MTA3: variants seen among roughly 807,000 people sequenced by gnomAD.
MTA3 encodes metastasis-associated protein MTA3.
In MTA3, 34 loss-of-function variants were observed where a neutral mutation model predicts 83.5. That is an observed-to-expected ratio of 0.41 (90% CI 0.31 to 0.54). The LOEUF (loss-of-function observed/expected upper bound fraction) is 0.54. MTA3 is among the 20% of genes least tolerant of loss of function. MTA3 has a pLI of 0.33. For synonymous variants in MTA3, 303 were observed against 252.7 expected (o/e 1.20, Z -1.89); for missense variants, 761 against 726.4 (o/e 1.05, Z -0.55).
intron 12 of MTA3, 70 bp from the exon 13 acceptor site, chr2:42,707,833 T>A (rs1186754230): frequency 7.2e-7 from 1 of 1,382,398 alleles, no homozygotes; most frequent in African/African-American, 1.5e-5. Flanking sequence ...TTAAAATGTT[T>A]GATTATTTTG....
intron 1 of MTA3, 76 bp downstream of exon 1, chr2:42,568,849 A>C: frequency 3.3e-6 from 4 of 1,200,480 alleles, no homozygotes; most frequent in Non-Finnish European, 4.1e-6. Flanking sequence ...GTGCACGCCA[A>C]CTGCCGGGAG....
intron 16 of MTA3, among the ~76,000 whole-genome samples, chr2:42,724,779 T>A (rs1167128646): frequency 6.6e-6 from 1 of 152,228 alleles, no homozygotes; most frequent in Admixed American, 6.5e-5. Context: ...CTTTCCTCAG[T>A]ATCACAGGTA....
chr2:42,639,990 C>T (rs190752478), intron 4 of MTA3, among the ~76,000 whole-genome samples, 183 bp from the exon 5 acceptor site: 1 of 152,076 alleles, frequency 6.6e-6, no homozygotes, highest in Admixed American at 6.5e-5. Context: ...TAAAGACAGC[C>T]TTATTTTATA....
At chr2:42,647,914 T>C (rs1351670937) in intron 6 of MTA3, among the ~76,000 whole-genome samples, 1 of 152,200 alleles carries the variant, frequency 6.6e-6, no homozygotes, top group Non-Finnish European at 1.5e-5. Context: ...TCTCGGCTCA[T>C]TGCAACCTCC....
intron 2 of MTA3, among the ~76,000 whole-genome samples, chr2:42,574,437 A>G (rs1359428074): frequency 2.1e-5 from 3 of 144,718 alleles, no homozygotes; most frequent in African/African-American, 7.8e-5. Context: ...CCTTTTCTCA[A>G]AATAACTGTG....
At chr2:42,727,681 C>A (rs1204307504) in intron 16 of MTA3, among the ~76,000 whole-genome samples, 2 of 152,092 alleles carry the variant, frequency 1.3e-5, no homozygotes, top group Non-Finnish European at 2.9e-5. Context: ...TCTTGTGTGA[C>A]CTTGGGTGAA....
At chr2:42,700,836 C>T (rs1439314477) in intron 11 of MTA3, among the ~76,000 whole-genome samples, 2 of 152,222 alleles carry the variant, frequency 1.3e-5, no homozygotes, top group Non-Finnish European at 2.9e-5. Context: ...TGCAGTGGCT[C>T]ATGCCTGTAA....
At chr2:42,662,131 GCTTT>G (rs1394951496) in intron 8 of MTA3, among the ~76,000 whole-genome samples, 2 of 151,960 alleles carry the variant, frequency 1.3e-5, no homozygotes, top group Middle Eastern at 3.2e-3. Flanking sequence ...CATTTTAACT[GCTTT>G]CTATTATTTC....
At chr2:42,543,239 G>A (rs1233319356) in intron 2 of MTA3, among the ~76,000 whole-genome samples, 1 of 148,550 alleles carries the variant, frequency 6.7e-6, no homozygotes, top group East Asian at 2.0e-4. Flanking sequence ...GAGCAGTGGC[G>A]CAATCTCAGC....
Position 42,607,587 on chromosome 2 carries a change from G to A in MTA3, c.191-1871G>A, listed in dbSNP as rs181540458. On this transcript the variant is annotated intron_variant, in intron 3 of 16. Coordinates refer to ENST00000405094, the MANE Select transcript of MTA3 (RefSeq NM_001330442.2). ...TTGAACTCCTGGGCTCAAGCGATCT[G>A]CTTGCCTCAGCCTCCCAAAGTGCTG... Among the ~76,000 whole-genome samples the A allele has an allele frequency of 4.5e-4, 68 of 152,192 alleles. 1 individual carries two copies. The highest frequency in any genetic ancestry group is 4.3e-3 in the Admixed American group (65 of 15,280).
intron 3 of MTA3, among the ~76,000 whole-genome samples, chr2:42,609,147 C>T (rs926960403): frequency 5.3e-5 from 8 of 151,204 alleles, no homozygotes; most frequent in African/African-American, 1.9e-4. Flanking sequence ...TCTCCTGCCT[C>T]AGCCTCCCGA....
chr2:42,574,043 A>T (rs1187077787), intron 2 of MTA3, among the ~76,000 whole-genome samples: 1 of 150,152 alleles, frequency 6.7e-6, no homozygotes, highest in Non-Finnish European at 1.5e-5. Context: ...TCACCGTGTT[A>T]GCCAGGATGG....
chr2:42,640,264 T>A (rs1333456510), intron 5 of MTA3, 28 bp downstream of exon 5: 1 of 1,490,266 alleles, frequency 6.7e-7, no homozygotes, highest in African/African-American at 1.4e-5. Context: ...TTGTTTTGTT[T>A]TTTTCTCCCT....
intron 14 of MTA3, among the ~76,000 whole-genome samples, chr2:42,714,570 T>G (rs969939642): frequency 6.6e-6 from 1 of 152,184 alleles, no homozygotes. Flanking sequence ...TCCAAAACAC[T>G]GTAGAAAAAT....
intron 14 of MTA3, among the ~76,000 whole-genome samples, chr2:42,718,094 C>CTT (rs11351833): frequency 5.2e-5 from 6 of 116,268 alleles, no homozygotes; most frequent in South Asian, 3.0e-4. Context: ...ACTCTGGTAC[C>CTT]TTTTTTTTTT....
At chr2:42,684,252 A>T (rs1692182682) in intron 9 of MTA3, among the ~76,000 whole-genome samples, 1 of 152,202 alleles carries the variant, frequency 6.6e-6, no homozygotes, top group Non-Finnish European at 1.5e-5. Flanking sequence ...ATTTTAAATT[A>T]TGAAAATAGA....
At chr2:42,577,112 A>G (rs1679140341) in intron 2 of MTA3, among the ~76,000 whole-genome samples, 1 of 96,934 alleles carries the variant, frequency 1.0e-5, no homozygotes, top group Non-Finnish European at 2.0e-5. Flanking sequence ...AAAAATATAT[A>G]TATATATATA....
Position 42,677,302 on chromosome 2 carries a change from C to T in MTA3, c.703-5099C>T, listed in dbSNP as rs564321693. On this transcript the variant is annotated intron_variant, in intron 8 of 16. Transcript: ENST00000405094. ...GGGCAGGTCTTTCCTGTGCTGTTCTCGTGATAGTGAATAAGTCTCATGAGA... is the reference window on the plus strand; with the variant it reads ...GGGCAGGTCTTTCCTGTGCTGTTCTTGTGATAGTGAATAAGTCTCATGAGA... Among the ~76,000 whole-genome samples the T allele has an allele frequency of 4.6e-5, 7 of 152,002 alleles. No individual in the cohort carries two copies. The South Asian group carries it at 6.3e-4, about 14-fold the overall frequency.
intron 8 of MTA3, among the ~76,000 whole-genome samples, chr2:42,676,141 A>G (rs919760519): frequency 1.3e-5 from 2 of 152,244 alleles, no homozygotes; most frequent in Admixed American, 6.5e-5. Context: ...GATTTGAGAC[A>G]GTACAGGAGC....
Sources: allele counts gnomAD v4.1 joint callset (sites outside exome capture counted in the v4.1 genomes callset), GRCh38; gene constraint gnomAD v4.1.1; transcripts MANE v1.5; gene names NCBI Gene and HGNC (gene_info 2026-07-23, HGNC 2026-07-21).